ZDHHC15: variants seen among roughly 807,000 people sequenced by gnomAD.
The protein encoded by ZDHHC15 is zDHHC palmitoyltransferase 15.
In ZDHHC15, 19 loss-of-function variants were observed where a neutral mutation model predicts 31.7. The observed-to-expected ratio is 0.60, with a 90% CI of 0.42 to 0.88. ZDHHC15 has a LOEUF of 0.88. ZDHHC15 is among the 40% of genes least tolerant of loss of function. ZDHHC15 has a pLI of 0.00. For synonymous variants in ZDHHC15, 103 were observed against 90.0 expected (o/e 1.14, Z -0.82); for missense variants, 209 against 251.2 (o/e 0.83, Z 1.14).
At chrX:75,477,011 T>C (rs755563977) in intron 3 of ZDHHC15, among the ~76,000 whole-genome samples, 1 of 111,598 alleles carries the variant, frequency 9.0e-6, no homozygotes, top group East Asian at 2.8e-4. Flanking sequence ...TGAAGGTACT[T>C]ACAGCCATAA....
chrX:75,472,989 A>G (rs1345225266), intron 3 of ZDHHC15, among the ~76,000 whole-genome samples: 1 of 112,242 alleles, frequency 8.9e-6, no homozygotes, highest in African/African-American at 3.2e-5. Context: ...CTGACTCCGA[A>G]TACAGGTTTA....
intron 1 of ZDHHC15, among the ~76,000 whole-genome samples, chrX:75,521,271 C>G (rs896713221): frequency 9.0e-6 from 1 of 110,680 alleles, no homozygotes; most frequent in African/African-American, 3.3e-5. Context: ...GTCGAAGTGA[C>G]AAGACTGACA....
At chrX:75,421,667 C>T (rs2083643349) in intron 9 of ZDHHC15, among the ~76,000 whole-genome samples, 197 bp downstream of exon 9, 1 of 104,075 alleles carries the variant, frequency 9.6e-6, no homozygotes, top group Admixed American at 1.1e-4. Context: ...CTGCACACTG[C>T]CACAAAGAAA....
chrX:75,397,956 C>T (rs1450256804), intron 10 of ZDHHC15, among the ~76,000 whole-genome samples: 3 of 112,161 alleles, frequency 2.7e-5, no homozygotes, highest in Admixed American at 1.9e-4. Flanking sequence ...AGCAGCCGCT[C>T]AGGCATGTGT....
intron 2 of ZDHHC15, among the ~76,000 whole-genome samples, chrX:75,504,724 G>T (rs1385380004): frequency 9.0e-6 from 1 of 110,851 alleles, no homozygotes; most frequent in Non-Finnish European, 1.9e-5. Flanking sequence ...AATTTATTGT[G>T]GAAAATATTT....
At chrX:75,389,623 T>G (rs1344191885) in intron 10 of ZDHHC15, among the ~76,000 whole-genome samples, 1 of 110,720 alleles carries the variant, frequency 9.0e-6, no homozygotes, top group Non-Finnish European at 1.9e-5. Flanking sequence ...GGGAACATGC[T>G]GTATTAAAGT....
intron 10 of ZDHHC15, among the ~76,000 whole-genome samples, chrX:75,404,931 T>A (rs756954488): frequency 8.9e-6 from 1 of 111,981 alleles, no homozygotes; most frequent in African/African-American, 3.3e-5. Flanking sequence ...TGCACACAAA[T>A]GTTCACTGCA....
chrX:75,377,423 G>A (rs1281203277), intron 11 of ZDHHC15, among the ~76,000 whole-genome samples: 1 of 109,474 alleles, frequency 9.1e-6, no homozygotes, highest in Non-Finnish European at 1.9e-5. Flanking sequence ...TTGAACCTGG[G>A]AGGTGGAGGT....
At chrX:75,464,010 CA>C (rs1209441178) in intron 3 of ZDHHC15, among the ~76,000 whole-genome samples, 1 of 111,776 alleles carries the variant, frequency 8.9e-6, no homozygotes, top group Admixed American at 9.5e-5. Flanking sequence ...GCACTATTCA[CA>C]AAAGCAAAGA....
chrX:75,505,936 C>T (rs2085154218), intron 1 of ZDHHC15, 89 bp from the exon 2 acceptor site: 1 of 828,349 alleles, frequency 1.2e-6, no homozygotes, highest in South Asian at 2.2e-5. Context: ...TTTAAAAAGT[C>T]TTGTCTAACT....
intron 4 of ZDHHC15, among the ~76,000 whole-genome samples, chrX:75,445,283 T>C (rs2084017410): frequency 9.0e-6 from 1 of 111,589 alleles, no homozygotes; most frequent in South Asian, 3.7e-4. Flanking sequence ...ATCTTAGTAG[T>C]TTTGATGATG....
chrX:75,427,208 G>A (rs962459551), intron 7 of ZDHHC15, among the ~76,000 whole-genome samples: 1 of 111,210 alleles, frequency 9.0e-6, no homozygotes, highest in South Asian at 3.8e-4. Flanking sequence ...TCTCTGAACT[G>A]TCAATGCCCT....
intron 10 of ZDHHC15, among the ~76,000 whole-genome samples, chrX:75,391,293 G>T (rs2083239942): frequency 9.0e-6 from 1 of 111,706 alleles, no homozygotes; most frequent in African/African-American, 3.2e-5. Context: ...AAAGATAGGG[G>T]TAGAAAGTTT....
chrX:75,430,983 G>T (rs749456059), intron 5 of ZDHHC15, among the ~76,000 whole-genome samples: 23 of 111,614 alleles, frequency 2.1e-4, no homozygotes, highest in South Asian at 3.8e-4. Context: ...AGAAGCTAAG[G>T]AGATGAGACA....
chrX:75,505,695 T>C, intron 2 of ZDHHC15, 126 bp downstream of exon 2: 1 of 799,836 alleles, frequency 1.3e-6, no homozygotes, highest in African/African-American at 2.0e-5. Flanking sequence ...ACCATCATTC[T>C]AAACTTTCTC....
intron 3 of ZDHHC15, among the ~76,000 whole-genome samples, chrX:75,470,743 C>T (rs1206577306): frequency 9.0e-6 from 1 of 111,521 alleles, no homozygotes; most frequent in Non-Finnish European, 1.9e-5. Context: ...GTCATTTCCC[C>T]AGTGCCAGAA....
chrX:75,499,127 A>G (rs1371696652), intron 2 of ZDHHC15, among the ~76,000 whole-genome samples: 3 of 111,681 alleles, frequency 2.7e-5, no homozygotes, highest in African/African-American at 9.7e-5. Flanking sequence ...ATATACAAAA[A>G]TCAACTCAAG....
intron 2 of ZDHHC15, among the ~76,000 whole-genome samples, chrX:75,493,897 A>G (rs1205713302): frequency 9.0e-6 from 1 of 111,096 alleles, no homozygotes; most frequent in Non-Finnish European, 1.9e-5. Flanking sequence ...CTCTCTCACC[A>G]CTCCTATTCA....
chrX:75,444,640 GTATATATATATATATATATATATA>G (rs760429265), intron 4 of ZDHHC15, among the ~76,000 whole-genome samples: 6 of 22,733 alleles, frequency 2.6e-4, no homozygotes, highest in Admixed American at 2.4e-3. Context: ...AAGCAACACT[GTATATATATATATATATATATATA>G]TATATATATA....
Sources: allele counts gnomAD v4.1 joint callset (sites outside exome capture counted in the v4.1 genomes callset), GRCh38; gene constraint gnomAD v4.1.1; transcripts MANE v1.5; gene names NCBI Gene and HGNC (gene_info 2026-07-23, HGNC 2026-07-21).